VPS13B: variants seen among roughly 807,000 people sequenced by gnomAD.
VPS13B encodes the protein intermembrane lipid transfer protein VPS13B.
VPS13B carries 285 observed loss-of-function variants against 426.4 expected under a neutral mutation model. The observed-to-expected ratio is 0.67, with a 90% CI of 0.61 to 0.74. VPS13B has a LOEUF of 0.74. VPS13B is among the 30% of genes least tolerant of loss of function. VPS13B has a pLI of 0.00. For missense variants in VPS13B, 4,537 were observed against 4,782.6 expected (o/e 0.95, Z 1.51); for synonymous variants, 1,676 against 1,676.4 (o/e 1.00, Z 0.01).
At chr8:99,325,523 C>A (rs1810201264) in intron 19 of VPS13B, among the ~76,000 whole-genome samples, 1 of 152,130 alleles carries the variant, frequency 6.6e-6, no homozygotes, top group African/African-American at 2.4e-5. Flanking sequence ...ATGGTACCTC[C>A]CTATCAAAGG....
chr8:99,064,913 G>A (rs971247362), intron 3 of VPS13B, among the ~76,000 whole-genome samples: 1 of 152,214 alleles, frequency 6.6e-6, no homozygotes, highest in African/African-American at 2.4e-5. Flanking sequence ...TGATCTCTCA[G>A]CAGAAACTCT....
intron 43 of VPS13B, among the ~76,000 whole-genome samples, chr8:99,786,804 G>A (rs1474476755): frequency 2.0e-5 from 3 of 152,128 alleles, no homozygotes; most frequent in African/African-American, 7.2e-5. Flanking sequence ...GTATGCTAAT[G>A]TAAGTGGGTT....
intron 35 of VPS13B, among the ~76,000 whole-genome samples, chr8:99,665,057 T>C (rs949714447): frequency 2.0e-5 from 3 of 152,258 alleles, no homozygotes; most frequent in African/African-American, 7.2e-5. Context: ...TTTGCATTTC[T>C]CTGATGGCCA....
intron 40 of VPS13B, among the ~76,000 whole-genome samples, chr8:99,771,840 A>G (rs995952217): frequency 2.0e-5 from 3 of 152,196 alleles, no homozygotes; most frequent in South Asian, 2.1e-4. Context: ...GACATTTGGA[A>G]CTGCTTTGTC....
chr8:99,104,133 A>G (rs1774607543), intron 5 of VPS13B, among the ~76,000 whole-genome samples: 1 of 152,130 alleles, frequency 6.6e-6, no homozygotes, highest in African/African-American at 2.4e-5. Context: ...CCAGTACACA[A>G]CCTCAGGTAT....
At chr8:99,296,138 G>A (rs1212127993) in intron 19 of VPS13B, among the ~76,000 whole-genome samples, 1 of 152,130 alleles carries the variant, frequency 6.6e-6, no homozygotes, top group Non-Finnish European at 1.5e-5. Context: ...GTAAGTTGGG[G>A]ACCATCTGTA....
At chr8:99,437,273 A>G (rs1385385600) in intron 22 of VPS13B, among the ~76,000 whole-genome samples, 4 of 152,134 alleles carry the variant, frequency 2.6e-5, no homozygotes, top group Non-Finnish European at 2.9e-5. Flanking sequence ...AGAAACATGT[A>G]TATTACATAA....
intron 16 of VPS13B, among the ~76,000 whole-genome samples, chr8:99,178,205 G>T: frequency 2.0e-5 from 3 of 150,162 alleles, no homozygotes; most frequent in African/African-American, 2.5e-5. Flanking sequence ...TGTGCACATT[G>T]TGCAGGTTAG....
chr8:99,461,127 T>G (rs1028637184), intron 23 of VPS13B, among the ~76,000 whole-genome samples: 10 of 152,110 alleles, frequency 6.6e-5, no homozygotes, highest in African/African-American at 2.4e-4. Flanking sequence ...CCAAATCCTC[T>G]TCTTTTCTCA....
chr8:99,228,037 T>C (rs1816108109), intron 17 of VPS13B, among the ~76,000 whole-genome samples: 1 of 152,192 alleles, frequency 6.6e-6, no homozygotes, highest in South Asian at 2.1e-4. Flanking sequence ...ATGGGAGGCT[T>C]AGCCTTCCTT....
chr8:99,315,540 T>G (rs1251067540), intron 19 of VPS13B, among the ~76,000 whole-genome samples: 1 of 152,108 alleles, frequency 6.6e-6, no homozygotes, highest in Non-Finnish European at 1.5e-5. Flanking sequence ...TGGTGTTTTT[T>G]TTTTAAATTT....
chr8:99,234,335 G>A (rs916984636), intron 17 of VPS13B: 2 of 751,778 alleles, frequency 2.7e-6, no homozygotes, highest in Non-Finnish European at 5.0e-6. Context: ...TTGAGCCAAA[G>A]GTGCATCCAA....
intron 21 of VPS13B, among the ~76,000 whole-genome samples, chr8:99,394,744 T>C (rs778745352): frequency 2.0e-5 from 3 of 152,162 alleles, no homozygotes; most frequent in Non-Finnish European, 4.4e-5. Flanking sequence ...TTAAGAGATA[T>C]AAACCATTTT....
chr8:99,485,439 A>C (rs1588427830), intron 25 of VPS13B, among the ~76,000 whole-genome samples: 1 of 152,344 alleles, frequency 6.6e-6, no homozygotes, highest in Non-Finnish European at 1.5e-5. Flanking sequence ...GCGCTGAAAC[A>C]CCATGAGATG....
chr8:99,286,752 C>A (rs1034170454), intron 19 of VPS13B, among the ~76,000 whole-genome samples: 2 of 152,036 alleles, frequency 1.3e-5, no homozygotes, highest in Admixed American at 6.6e-5. Flanking sequence ...TTGCTAAATT[C>A]CAGATGGCTA....
chr8:99,575,441 T>C (rs1480413605), intron 31 of VPS13B, among the ~76,000 whole-genome samples: 1 of 152,218 alleles, frequency 6.6e-6, no homozygotes, highest in Non-Finnish European at 1.5e-5. Flanking sequence ...ATGAAATTGC[T>C]TAATTACACC....
At chr8:99,740,734 G>A (rs890527016) in intron 39 of VPS13B, among the ~76,000 whole-genome samples, 2 of 152,140 alleles carry the variant, frequency 1.3e-5, no homozygotes, top group African/African-American at 4.8e-5. Context: ...AGCTTCATAA[G>A]TGAAGGAGAA....
intron 36 of VPS13B, among the ~76,000 whole-genome samples, chr8:99,704,911 C>A (rs1832434904): frequency 6.6e-6 from 1 of 152,100 alleles, no homozygotes; most frequent in Non-Finnish European, 1.5e-5. Context: ...GTTACTGAAT[C>A]TTGTGATAAT....
intron 3 of VPS13B, among the ~76,000 whole-genome samples, chr8:99,056,065 T>G (rs1563511124): frequency 6.6e-6 from 1 of 151,780 alleles, no homozygotes; most frequent in African/African-American, 2.4e-5. Flanking sequence ...TTTGTTTGTT[T>G]GTTTTTTTTG....
Sources: gnomAD v4.1 joint callset for allele counts (sites outside exome capture counted in the v4.1 genomes callset) on GRCh38, gnomAD v4.1.1 for gene constraint, MANE v1.5 for transcripts, NCBI Gene and HGNC (gene_info 2026-07-23, HGNC 2026-07-21) for gene names.